DYNC2H1: variants seen among roughly 807,000 people sequenced by gnomAD.
DYNC2H1 encodes the protein cytoplasmic dynein 2 heavy chain 1.
In DYNC2H1, 410 loss-of-function variants were observed where a neutral mutation model predicts 570.0. The observed-to-expected ratio is 0.72, with a 90% CI of 0.66 to 0.78. DYNC2H1 has a LOEUF of 0.78. Ranked by LOEUF, DYNC2H1 falls within the 30% of genes least tolerant of loss-of-function variation. The pLI is 0.00. For synonymous variants in DYNC2H1, 1,688 were observed against 1,677.6 expected (o/e 1.01, Z -0.15); for missense variants, 4,865 against 5,046.4 (o/e 0.96, Z 1.09).
rs1944205258 is a variant in DYNC2H1, at chr11:103,439,923, C to T, written c.12456+3891C>T. ...ACATCTTCAAAGAGTTTCTTGTGTTCCTGATTTCCACTCTGTGTTTTCCCT... is the reference window on the plus strand; with the variant it reads ...ACATCTTCAAAGAGTTTCTTGTGTTTCTGATTTCCACTCTGTGTTTTCCCT... On this transcript the variant is annotated intron_variant, in intron 85 of 88. Coordinates refer to ENST00000375735, the MANE Select transcript of DYNC2H1 (RefSeq NM_001377.3). The surrounding 1 kb of genome is among the most constrained non-coding windows in gnomAD (Gnocchi z 4.1). 6.6e-5 allele frequency among the ~76,000 whole-genome samples: 10 copies of T among 152,070 alleles called. No individual in the cohort carries two copies. The highest frequency in any genetic ancestry group is 4.6e-4 in the Admixed American group (7 of 15,260).
chr11:103,224,309 T>C (rs1863716306), intron 59 of DYNC2H1, among the ~76,000 whole-genome samples: 4 of 152,304 alleles, frequency 2.6e-5, no homozygotes, highest in Admixed American at 6.5e-5. Flanking sequence ...GTTACATGAA[T>C]GAAATCTTTA....
rs980101800 is a variant in DYNC2H1 at position 103,243,585 on chromosome 11, G to A, written c.9820-108G>A. ...TATATTTGTGTTCTCCAAAGCTTGA[G>A]AGAAAAGATCATTTAGTAATTGATT... On this transcript the variant is annotated intron_variant, in intron 63 of 88. Transcript: ENST00000375735. This position sits in a 1 kb window ranked among gnomAD's most constrained non-coding sequence, Gnocchi z 4.8. 4.4e-6 allele frequency: 4 copies of A among 900,604 alleles called. No homozygotes were observed. The highest frequency in any genetic ancestry group is 1.7e-5 in the African/African-American group (1 of 58,890). 55.8% of individuals were successfully genotyped at this position (900,604 alleles called of 1,614,324 possible).
chr11:103,322,579 T>TC (rs1591576814), intron 81 of DYNC2H1, among the ~76,000 whole-genome samples: 2 of 151,908 alleles, frequency 1.3e-5, no homozygotes, highest in African/African-American at 2.4e-5. Flanking sequence ...TATATATATT[T>TC]TTATGTACAA....
intron 78 of DYNC2H1, among the ~76,000 whole-genome samples, chr11:103,308,522 G>A (rs1867408777): frequency 6.6e-6 from 1 of 152,180 alleles, no homozygotes. Context: ...AGCCAGAAGT[G>A]GGATTGCTGC....
At chr11:103,347,765 CA>C (rs1939818814) in intron 82 of DYNC2H1, among the ~76,000 whole-genome samples, 1 of 152,040 alleles carries the variant, frequency 6.6e-6, no homozygotes, top group South Asian at 2.1e-4. Context: ...CACTTTTCTC[CA>C]AAAAAGTCTT....
Position 103,228,854 on chromosome 11 carries a change from G to A in DYNC2H1, c.9354-2406G>A. 6.6e-6 allele frequency among the ~76,000 whole-genome samples: 1 copy of A among 152,106 alleles called. No individual in the cohort carries two copies. Among genetic ancestry groups the A allele is most frequent in the Non-Finnish European group, 1.5e-5 (1 of 68,004 alleles). ...GGTGGGTAGAGAAAGAACACCTGGTGGGGGCAGGGATAGATGTATCTGAGC... is the reference window on the plus strand; with the variant it reads ...GGTGGGTAGAGAAAGAACACCTGGTAGGGGCAGGGATAGATGTATCTGAGC... On this transcript the variant is annotated intron_variant, in intron 59 of 88. Coordinates refer to ENST00000375735, the MANE Select transcript of DYNC2H1 (RefSeq NM_001377.3). The surrounding 1 kb of genome is among the most constrained non-coding windows in gnomAD (Gnocchi z 6.1).
intron 25 of DYNC2H1, 49 bp from the exon 26 acceptor site, chr11:103,156,339 G>A (rs772388774): frequency 6.7e-7 from 1 of 1,496,734 alleles, no homozygotes; most frequent in Non-Finnish European, 9.0e-7. Flanking sequence ...AATTACTTAT[G>A]TGAAAATTAA....
At chr11:103,367,555 C>T (rs1480297755) in intron 83 of DYNC2H1, among the ~76,000 whole-genome samples, 1 of 152,020 alleles carries the variant, frequency 6.6e-6, no homozygotes, top group Non-Finnish European at 1.5e-5. Context: ...CGGTATTTAG[C>T]GTATCCATCA....
At chr11:103,233,203 G>A (rs1468923261) in intron 60 of DYNC2H1, among the ~76,000 whole-genome samples, 2 of 151,622 alleles carry the variant, frequency 1.3e-5, no homozygotes, top group Non-Finnish European at 2.9e-5. Context: ...ATGAGAACCT[G>A]AGAAATAATT....
rs1463075701 is a variant in DYNC2H1 at position 103,148,482 on chromosome 11, C to T, written c.2819-8C>T. The stretch of plus-strand genomic sequence containing the variant: ...TAACATTTCTTGTATTTCAATGTTA[C>T]CACTCAGCTCATTTACATGAAATTG... On this transcript the variant is annotated splice_region_variant and splice_polypyrimidine_tract_variant and intron_variant, in intron 19 of 88. Coordinates refer to ENST00000375735, the MANE Select transcript of DYNC2H1 (RefSeq NM_001377.3). The T allele has an allele frequency of 5.1e-6, 8 of 1,553,398 alleles. No homozygotes were observed. Among genetic ancestry groups the T allele is most frequent in the Non-Finnish European group, 7.0e-6 (8 of 1,147,982 alleles).
chr11:103,117,548 A>G (rs1416947876), intron 5 of DYNC2H1, 83 bp from the exon 6 acceptor site: 6 of 1,144,998 alleles, frequency 5.2e-6, no homozygotes, highest in Non-Finnish European at 7.1e-6. Context: ...TATTTTAAAA[A>G]TATTGTCATA....
intron 83 of DYNC2H1, among the ~76,000 whole-genome samples, chr11:103,387,170 C>G (rs2135595026): frequency 6.6e-6 from 1 of 152,220 alleles, no homozygotes; most frequent in Admixed American, 6.5e-5. Flanking sequence ...CTGTTGTTTC[C>G]TGACTTTTTA....
intron 25 of DYNC2H1, 69 bp from the exon 26 acceptor site, chr11:103,156,319 C>A: frequency 2.9e-6 from 4 of 1,361,988 alleles, no homozygotes; most frequent in African/African-American, 1.5e-5. Flanking sequence ...TCATAAAATA[C>A]TTTTCTATTA....
intron 47 of DYNC2H1, among the ~76,000 whole-genome samples, chr11:103,194,970 A>G (rs765974560): frequency 2.6e-5 from 4 of 152,162 alleles, no homozygotes; most frequent in Admixed American, 1.3e-4. Context: ...CACCTGCCTC[A>G]GCCTCCCAAA....
In DYNC2H1 at chr11:103,439,731, A is replaced by G. The variant is rs1944196609; in HGVS notation, c.12456+3699A>G. The stretch of plus-strand genomic sequence containing the variant: ...TTCTGTAAGATCCTTTAGAGCAAAG[A>G]TCTTAAAAAAAAAATTCCACTATAT... On this transcript the variant is annotated intron_variant, in intron 85 of 88. Coordinates refer to ENST00000375735, the MANE Select transcript of DYNC2H1 (RefSeq NM_001377.3). The surrounding 1 kb of genome is among the most constrained non-coding windows in gnomAD (Gnocchi z 4.1). Among the ~76,000 whole-genome samples, 1 of 151,998 alleles carries G rather than the reference A, an allele frequency of 6.6e-6. No homozygotes were observed. Among genetic ancestry groups the G allele is most frequent in the African/African-American group, 2.4e-5 (1 of 41,368 alleles).
chr11:103,443,057 T>G (rs372187161), intron 85 of DYNC2H1, among the ~76,000 whole-genome samples: 1 of 152,126 alleles, frequency 6.6e-6, no homozygotes. Context: ...CTAAATGTCT[T>G]GTATGCCATA....
chr11:103,276,001 G>A (rs1865891682), intron 70 of DYNC2H1, among the ~76,000 whole-genome samples: 1 of 152,182 alleles, frequency 6.6e-6, no homozygotes, highest in Non-Finnish European at 1.5e-5. Flanking sequence ...GAGGGTTTCT[G>A]TTGCTCAACA....
intron 62 of DYNC2H1, 89 bp from the exon 63 acceptor site, chr11:103,236,341 C>T (rs1255532732): frequency 1.8e-5 from 15 of 833,074 alleles, no homozygotes; most frequent in South Asian, 1.7e-4. Context: ...TGTCATAGGA[C>T]TTTTGTTTCG....
intron 82 of DYNC2H1, among the ~76,000 whole-genome samples, chr11:103,350,247 A>G (rs1939979790): frequency 6.6e-6 from 1 of 152,170 alleles, no homozygotes. Context: ...TAAAAATATA[A>G]TATTGTTTAA....
Sources: allele counts gnomAD v4.1 joint callset (sites outside exome capture counted in the v4.1 genomes callset), GRCh38; gene constraint gnomAD v4.1.1; non-coding constraint Gnocchi (gnomAD v3.1); transcripts MANE v1.5; gene names NCBI Gene and HGNC (gene_info 2026-07-23, HGNC 2026-07-21).